Variants in SUMF1 observed in about 807,000 individuals in gnomAD.
The protein encoded by SUMF1 is formylglycine-generating enzyme.
A neutral mutation model predicts 47.6 loss-of-function variants in SUMF1; 48 were observed. The ratio of observed to expected loss-of-function variants is 1.01; its 90% CI spans 0.80 to 1.28. The LOEUF is 1.28. Among genes scored for constraint, SUMF1 ranks in the 50% most tolerant of loss-of-function variants. The pLI is 0.00. For synonymous variants in SUMF1, 230 were observed against 192.1 expected, an observed-to-expected ratio of 1.20 and a Z score of -1.63; for missense variants, 571 against 485.4, an observed-to-expected ratio of 1.18 and a Z score of -1.66.
At chr3:4,360,266 AT>A (rs1208418597), downstream of SUMF1, among the ~76,000 whole-genome samples, 10 of 148,286 alleles carry the variant, frequency 6.7e-5, no homozygotes, top group Non-Finnish European at 1.5e-4. Flanking sequence ...GTAGAGAAAC[AT>A]TTGATATCTA....
rs900051949 is a variant in SUMF1 at position 4,382,666 on chromosome 3, A to T, written c.955-6277T>A. On this transcript the variant is annotated intron_variant, in intron 7 of 8. Transcript: ENST00000272902. ...CTCATGATAGCAAAGACTTGGAACC[A>T]ACCCAAACGCCCACCAATGATGGAC... 7.2e-5 allele frequency among the ~76,000 whole-genome samples: 11 copies of T among 152,336 alleles called. No individual in the cohort carries two copies. The South Asian group carries it at 1.0e-3, about 14-fold the overall frequency.
At position 4,362,267 on chromosome 3, in the gene SUMF1, A is replaced by C; in HGVS notation, c.1015-13T>G. 6.2e-7 allele frequency: 1 copy of C among 1,611,696 alleles called. No homozygotes were observed. Among genetic ancestry groups the C allele is most frequent in the Non-Finnish European group, 8.5e-7 (1 of 1,177,932 alleles). On this transcript the variant is annotated splice_polypyrimidine_tract_variant and intron_variant, in intron 8 of 8. Coordinates refer to ENST00000272902, the MANE Select transcript of SUMF1 (RefSeq NM_182760.4). ...TGTAACAATAAGACTGTGTAGAGAGAAAGAGCAAGGTAAGTGCTACTGGGA... is the reference window on the plus strand; with the variant it reads ...TGTAACAATAAGACTGTGTAGAGAGCAAGAGCAAGGTAAGTGCTACTGGGA...
At chr3:4,201,575 A>G (rs1019045055) in intron 8 of SUMF1, among the ~76,000 whole-genome samples, 1 of 152,094 alleles carries the variant, frequency 6.6e-6, no homozygotes, top group African/African-American at 2.4e-5. Context: ...GCAAATATTG[A>G]CAATTGTGAA....
chr3:4,047,949 T>C (rs1574844208), intron 9 of SUMF1, among the ~76,000 whole-genome samples: 1 of 152,110 alleles, frequency 6.6e-6, no homozygotes, highest in East Asian at 1.9e-4. Context: ...TATGGCATAG[T>C]TCCAATATTA....
rs2079782471 is a variant in SUMF1 at position 4,460,535 on chromosome 3, T to C, written c.270+6441A>G. Among the ~76,000 whole-genome samples, 5 of 151,722 alleles carry C rather than the reference T, an allele frequency of 3.3e-5. No homozygotes were observed. The South Asian group carries it at 1.0e-3, about 32-fold the overall frequency. On this transcript the variant is annotated intron_variant, in intron 1 of 8. Transcript: ENST00000272902. The stretch of plus-strand genomic sequence containing the variant: ...GGTAAATATTGTCATGGTTCAAGGA[T>C]CAGCTCCTCCAGGAGGCCTTTCCTG...
In SUMF1 at chr3:4,362,164, G is replaced by C; in HGVS notation, c.1105C>G (p.Arg369Gly). The C allele has an allele frequency of 6.2e-7, 1 of 1,614,142 alleles. No individual in the cohort carries two copies. The highest frequency in any genetic ancestry group is 2.2e-5 in the East Asian group (1 of 44,876). The stretch of plus-strand genomic sequence containing the variant: ...GGTTGTCAGTCCATAGTGGGCAGGC[G>C]GTCGGCTGCACAGCGGAATCCCAGA... ...SNLGFRCAAD[R>G]LPTMD The change falls in exon 9 of 9, where the codon CGC becomes GGC. Residue 369 changes from arginine to glycine, a missense_variant. By Grantham distance (125) the Arg-to-Gly change is moderately radical (BLOSUM62 -2). Transcript: ENST00000272902.
At chr3:4,413,833 C>A (rs910874149) in intron 6 of SUMF1, among the ~76,000 whole-genome samples, 6 of 151,794 alleles carry the variant, frequency 4.0e-5, no homozygotes, top group Non-Finnish European at 7.4e-5. Flanking sequence ...CAAGACCAAT[C>A]TGGGAAACAC....
intron 8 of SUMF1, among the ~76,000 whole-genome samples, chr3:4,214,577 A>G (rs755254097): frequency 2.0e-5 from 3 of 152,204 alleles, no homozygotes; most frequent in Non-Finnish European, 2.9e-5. Flanking sequence ...TGAAGGAGAC[A>G]GAGACACGAA....
chr3:4,418,436 A>T (rs115879185), intron 4 of SUMF1, among the ~76,000 whole-genome samples: 1 of 152,224 alleles, frequency 6.6e-6, no homozygotes, highest in Non-Finnish European at 1.5e-5. Flanking sequence ...TCCAGCTGCT[A>T]GGAGGGCCAG....
At chr3:4,208,435 T>C (rs1695700755) in intron 8 of SUMF1, among the ~76,000 whole-genome samples, 1 of 149,860 alleles carries the variant, frequency 6.7e-6, no homozygotes, top group African/African-American at 2.5e-5. Context: ...CATGTCAACC[T>C]TTCTACAGAA....
At chr3:4,173,427 G>A (rs1574949626) in intron 8 of SUMF1, among the ~76,000 whole-genome samples, 1 of 152,138 alleles carries the variant, frequency 6.6e-6, no homozygotes, top group Non-Finnish European at 1.5e-5. Context: ...TTTACACTGT[G>A]GGTGGGAGTG....
At chr3:4,418,313 C>T (rs1170391139) in intron 4 of SUMF1, among the ~76,000 whole-genome samples, 181 bp from the exon 5 acceptor site, 1 of 152,216 alleles carries the variant, frequency 6.6e-6, no homozygotes, top group Non-Finnish European at 1.5e-5. Flanking sequence ...TTTCTGACAA[C>T]CCAGGCTCCC....
intron 6 of SUMF1, among the ~76,000 whole-genome samples, chr3:4,413,754 G>A (rs1701619843): frequency 6.6e-6 from 1 of 151,982 alleles, no homozygotes; most frequent in Non-Finnish European, 1.5e-5. Flanking sequence ...AGCTGGGTGT[G>A]GTGGTTCATG....
At chr3:4,145,617 A>G (rs1694175728) in intron 8 of SUMF1, among the ~76,000 whole-genome samples, 1 of 152,104 alleles carries the variant, frequency 6.6e-6, no homozygotes, top group African/African-American at 2.4e-5. Flanking sequence ...GACTCATAAT[A>G]GATATGAAGT....
chr3:4,342,716 A>T (rs190532301), intron 8 of SUMF1, among the ~76,000 whole-genome samples: 1 of 152,194 alleles, frequency 6.6e-6, no homozygotes, highest in East Asian at 1.9e-4. Flanking sequence ...GCATTTTTTC[A>T]GTCTTGTTTT....
intron 8 of SUMF1, among the ~76,000 whole-genome samples, chr3:4,376,066 G>T (rs909283657): frequency 6.6e-6 from 1 of 152,186 alleles, no homozygotes. Context: ...CAGTTCGTGG[G>T]ACAACAAAGG....
rs185936592 is a variant in SUMF1 at position 4,039,625 on chromosome 3, T to C, written c.1191+28944A>G. 2.8e-3 allele frequency among the ~76,000 whole-genome samples: 421 copies of C among 151,808 alleles called. 12 individuals carry two copies. The highest frequency in any genetic ancestry group is 9.7e-3 in the African/African-American group (401 of 41,290). ...ATTTTCTTAATCCAGTCTATCATTG[T>C]TGGACATTTGGGTTGGTTCCAAGTC... On this transcript the variant is annotated intron_variant and NMD_transcript_variant, in intron 9 of 12. Transcript: ENST00000448413.
rs148947179 is a variant in SUMF1, at chr3:4,165,299, A to G, written c.1015-96554T>C. ...TCAGGTCTACCTTGATCTGCTTTAA[A>G]TCAGAGAGAGAGAAGGGGACATATA... On this transcript the variant is annotated intron_variant and NMD_transcript_variant, in intron 8 of 12. Coordinates refer to the SUMF1 transcript ENST00000448413. Among the ~76,000 whole-genome samples, 154 of 152,294 alleles carry G rather than the reference A, an allele frequency of 1.0e-3. 2 individuals carry two copies. Among genetic ancestry groups the G allele is most frequent in the African/African-American group, 3.5e-3 (147 of 41,554 alleles).
At chr3:4,166,423 C>A (rs1255755531) in intron 8 of SUMF1, among the ~76,000 whole-genome samples, 1 of 152,118 alleles carries the variant, frequency 6.6e-6, no homozygotes, top group Non-Finnish European at 1.5e-5. Context: ...GCCTGCTAGT[C>A]TGAGAAGGGA....
Sources: allele counts gnomAD v4.1 joint callset (sites outside exome capture counted in the v4.1 genomes callset), GRCh38; gene constraint gnomAD v4.1.1; transcripts MANE v1.5; gene names NCBI Gene and HGNC (gene_info 2026-07-23, HGNC 2026-07-21).